UGT1A1: variants seen among roughly 807,000 people sequenced by gnomAD.
The protein encoded by UGT1A1 is UDP-glucuronosyltransferase 1A1.
UGT1A1 carries 33 observed loss-of-function variants against 40.6 expected under a neutral mutation model. The observed-to-expected ratio is 0.81, with a 90% CI of 0.62 to 1.09. The LOEUF is 1.09. UGT1A1 is among the 50% of genes least tolerant of loss of function. UGT1A1 has a pLI of 0.00. For synonymous variants in UGT1A1, 249 were observed against 265.0 expected, an observed-to-expected ratio of 0.94 and a Z score of 0.59; for missense variants, 694 against 671.2, an observed-to-expected ratio of 1.03 and a Z score of -0.38.
rs587776764 is a variant in UGT1A1 at position 233,761,152 on chromosome 2, G to C, written c.864+1G>C. ...CCTTCACCAAAATCCACTATCCCAG[G>C]TGTGTATTGGAGTGGGACTTTTACA... is the stretch of plus-strand genomic sequence containing the variant. On this transcript the variant is annotated splice_donor_variant, in intron 1 of 4. Coordinates refer to ENST00000305208, the MANE Select transcript of UGT1A1 (RefSeq NM_000463.3). LOFTEE classifies it high-confidence loss of function. The C allele has an allele frequency of 2.5e-6, 4 of 1,614,084 alleles. No homozygotes were observed. The African/African-American group carries it at 4.0e-5, about 16-fold the overall frequency.
chr2:233,762,430 C>A (rs796065862), intron 1 of UGT1A1, among the ~76,000 whole-genome samples: 1 of 152,178 alleles, frequency 6.6e-6, no homozygotes, highest in African/African-American at 2.4e-5. Context: ...AATAGAGTAA[C>A]AGTGTATTCC....
intron 1 of UGT1A1, among the ~76,000 whole-genome samples, chr2:233,762,315 G>C (rs565893517): frequency 6.6e-6 from 1 of 152,216 alleles, no homozygotes; most frequent in Non-Finnish European, 1.5e-5. Context: ...TTAATGGGTC[G>C]AGAGTAATCC....
At position 233,769,512 on chromosome 2, in the gene UGT1A1, C is replaced by T; in HGVS notation, c.1304+1073C>T. ...TTATGAGAGTGTCCATTGCTTTCTCCCATGGTTACCTCCTTTAGAAAGAAG... is the reference window on the plus strand; with the variant it reads ...TTATGAGAGTGTCCATTGCTTTCTCTCATGGTTACCTCCTTTAGAAAGAAG... On this transcript the variant is annotated intron_variant, in intron 4 of 4. Transcript: ENST00000305208. This position sits in a 1 kb window ranked among gnomAD's most constrained non-coding sequence, Gnocchi z 4.4. 1 of 1,612,734 alleles carries T rather than the reference C, an allele frequency of 6.2e-7. No homozygotes were observed. The highest frequency in any genetic ancestry group is 8.5e-7 in the Non-Finnish European group (1 of 1,179,852).
In UGT1A1 at chr2:233,769,168, C is replaced by T. The variant is rs1699803234; in HGVS notation, c.1304+729C>T. Among the ~76,000 whole-genome samples the T allele has an allele frequency of 6.6e-6, 1 of 152,082 alleles. No individual in the cohort carries two copies. Among genetic ancestry groups the T allele is most frequent in the Non-Finnish European group, 1.5e-5 (1 of 68,026 alleles). The stretch of plus-strand genomic sequence containing the variant: ...ACTGGAACCTGTGAGAAATTTTGTC[C>T]ATGGAGTTTATGAATGAAGGAGCTA... On this transcript the variant is annotated intron_variant, in intron 4 of 4. Coordinates refer to ENST00000305208, the MANE Select transcript of UGT1A1 (RefSeq NM_000463.3). The surrounding 1 kb of genome is among the most constrained non-coding windows in gnomAD (Gnocchi z 4.4).
intron 1 of UGT1A1, among the ~76,000 whole-genome samples, chr2:233,763,201 A>G (rs1698260183): frequency 6.6e-6 from 1 of 152,250 alleles, no homozygotes; most frequent in South Asian, 2.1e-4. Flanking sequence ...TGTTTGGTGC[A>G]GTCAGGCTTA....
At chr2:233,762,868 G>A (rs998975258) in intron 1 of UGT1A1, among the ~76,000 whole-genome samples, 2 of 151,940 alleles carry the variant, frequency 1.3e-5, no homozygotes, top group Non-Finnish European at 2.9e-5. Context: ...AGAAATTTTG[G>A]TTTCTTCTCT....
At position 233,769,478 on chromosome 2, in the gene UGT1A1, TGC is replaced by T; in HGVS notation, c.1304+1041_1304+1042del. The stretch of plus-strand genomic sequence containing the variant: ...GCATTCATATGCGTGTGTGTGTGTG[TGC>T]GTGTGTTTATGAGAGTGTCCATTGC... On this transcript the variant is annotated intron_variant, in intron 4 of 4. Transcript: ENST00000305208. The surrounding 1 kb of genome is among the most constrained non-coding windows in gnomAD (Gnocchi z 4.4). 2 of 1,611,018 alleles carry T rather than the reference TGC, an allele frequency of 1.2e-6. No individual in the cohort carries two copies. Among genetic ancestry groups the T allele is most frequent in the South Asian group, 1.1e-5 (1 of 90,926 alleles).
At chr2:233,767,557 A>T (rs1326984430) in intron 2 of UGT1A1, among the ~76,000 whole-genome samples, 2 of 152,218 alleles carry the variant, frequency 1.3e-5, no homozygotes, top group African/African-American at 4.8e-5. Flanking sequence ...TTCTGCATCC[A>T]CTTGTTTCAT....
chr2:233,772,929 C>T lies in UGT1A1; in HGVS notation c.*370C>T, dbSNP rs1186146273. On this transcript the variant is annotated 3_prime_UTR_variant, in exon 5 of 5. Transcript: ENST00000305208. ...CCCTACTGCAAATGGCAGTTTTAAT[C>T]TTATCTTTTGGCTTCTGCAGATGGT... The T allele has an allele frequency of 5.6e-6, 2 of 355,154 alleles. No individual in the cohort carries two copies. Among genetic ancestry groups the T allele is most frequent in the Non-Finnish European group, 1.0e-5 (2 of 197,036 alleles). The allele number at this position is 355,154 out of a possible 1,614,324, so 22.0% of individuals were successfully genotyped here. A position where few individuals can be genotyped will look rare whatever the true frequency, so the allele number is the denominator to read the frequency against.
chr2:233,771,841 C>T (rs1700397789), intron 4 of UGT1A1, among the ~76,000 whole-genome samples: 1 of 147,174 alleles, frequency 6.8e-6, no homozygotes, highest in South Asian at 2.4e-4. Flanking sequence ...CCTTCTCTTC[C>T]TTCTTTTTCA....
intron 4 of UGT1A1, among the ~76,000 whole-genome samples, chr2:233,768,726 G>T (rs929247208): frequency 2.6e-5 from 4 of 151,498 alleles, no homozygotes; most frequent in Non-Finnish European, 5.9e-5. Flanking sequence ...GGGATTACAG[G>T]TGTCCACCAC....
At chr2:233,765,652 G>T (rs2126018835) in intron 1 of UGT1A1, among the ~76,000 whole-genome samples, 1 of 151,820 alleles carries the variant, frequency 6.6e-6, no homozygotes, top group East Asian at 1.9e-4. Context: ...GTCAATAGGT[G>T]CAGCAAACCA....
rs144721642 is a variant in UGT1A1, at chr2:233,760,960, G to A, written c.673G>A (p.Val225Met). 13 of 1,614,166 alleles carry A rather than the reference G, an allele frequency of 8.1e-6. No homozygotes were observed. Among genetic ancestry groups the A allele is most frequent in the African/African-American group, 5.3e-5 (4 of 75,032 alleles). Residue 225 changes from valine (V) to methionine (M), a missense_variant, in exon 1 of 5, where the codon GTG becomes ATG. Coordinates refer to ENST00000305208, the MANE Select transcript of UGT1A1 (RefSeq NM_000463.3). The stretch of plus-strand genomic sequence containing the variant: ...CTTTTCACAGAACTTTCTGTGCGAC[G>A]TGGTTTATTCCCCGTATGCAACCCT... ...IAFSQNFLCDVVYSPYATLAS... is the reference protein window; with the variant it reads ...IAFSQNFLCDMVYSPYATLAS...
intron 1 of UGT1A1, 60 bp downstream of exon 1, chr2:233,761,211 C>G (rs35802766): frequency 6.2e-7 from 1 of 1,613,738 alleles, no homozygotes; most frequent in East Asian, 2.2e-5. Flanking sequence ...TACTTTGGAT[C>G]GATTAACTAG....
At chr2:233,765,308 T>A (rs746475199) in intron 1 of UGT1A1, among the ~76,000 whole-genome samples, 3 of 152,234 alleles carry the variant, frequency 2.0e-5, no homozygotes, top group Non-Finnish European at 4.4e-5. Flanking sequence ...CATGCACATA[T>A]TTGTTTATTG....
At chr2:233,763,150 C>G (rs1298092077) in intron 1 of UGT1A1, among the ~76,000 whole-genome samples, 1 of 152,214 alleles carries the variant, frequency 6.6e-6, no homozygotes, top group Non-Finnish European at 1.5e-5. Context: ...CCATAAAAGT[C>G]TAAGTGGTGA....
intron 1 of UGT1A1, among the ~76,000 whole-genome samples, chr2:233,764,816 T>C (rs4148326): frequency 0.49 from 74,710 of 151,838 alleles, 18,875 homozygotes; most frequent in African/African-American, 0.6. Flanking sequence ...AACCAAAAAA[T>C]GCAGCATGGT....
chr2:233,769,869 A>T lies in UGT1A1; in HGVS notation c.1304+1430A>T, dbSNP rs988879005. Reference sequence around the variant, plus strand: ...TGAGACCCTGTCTCAAAAAAAAAAAAAAAAATGAAAAGTCCACATAACCTG... The same window carrying T: ...TGAGACCCTGTCTCAAAAAAAAAAATAAAAATGAAAAGTCCACATAACCTG... On this transcript the variant is annotated intron_variant, in intron 4 of 4. Transcript: ENST00000305208. This position sits in a 1 kb window ranked among gnomAD's most constrained non-coding sequence, Gnocchi z 4.4. The T allele has an allele frequency of 3.7e-5, 17 of 465,504 alleles. No individual in the cohort carries two copies. Among genetic ancestry groups the T allele is most frequent in the Non-Finnish European group, 6.1e-5 (17 of 276,814 alleles). The allele number at this position is 465,504 out of a possible 1,614,324, so 28.8% of individuals were successfully genotyped here. A position where few individuals can be genotyped will look rare whatever the true frequency, so the allele number is the denominator to read the frequency against.
Position 233,769,822 on chromosome 2 carries a change from T to G in UGT1A1, c.1304+1383T>G, listed in dbSNP as rs978750106. ...ATGAGCCGTGATCATGCCACTGCAC[T>G]CCAGCAACCTGGGCAACAGAGTGAG... On this transcript the variant is annotated intron_variant, in intron 4 of 4. Coordinates refer to ENST00000305208, the MANE Select transcript of UGT1A1 (RefSeq NM_000463.3). This position sits in a 1 kb window ranked among gnomAD's most constrained non-coding sequence, Gnocchi z 4.4. 2.6e-6 allele frequency: 2 copies of G among 764,448 alleles called. No individual in the cohort carries two copies. Among genetic ancestry groups the G allele is most frequent in the Admixed American group, 3.7e-5 (1 of 26,868 alleles). The allele number at this position is 764,448 out of a possible 1,614,324, so 47.4% of individuals were successfully genotyped here.
Sources: allele counts gnomAD v4.1 joint callset (sites outside exome capture counted in the v4.1 genomes callset), GRCh38; gene constraint gnomAD v4.1.1; non-coding constraint Gnocchi (gnomAD v3.1); transcripts MANE v1.5; gene names NCBI Gene and HGNC (gene_info 2026-07-23, HGNC 2026-07-21).